OTUD7A: variants seen among roughly 807,000 people sequenced by gnomAD.
OTUD7A encodes OTU deubiquitinase 7A.
OTUD7A carries 12 observed loss-of-function variants against 65.7 expected under a neutral mutation model. The ratio of observed to expected loss-of-function variants is 0.18; its 90% CI spans 0.12 to 0.30. OTUD7A has a LOEUF of 0.30. OTUD7A is among the 10% of genes least tolerant of loss of function. OTUD7A has a pLI of 1.00. For missense variants in OTUD7A, 1,148 were observed against 1,304.8 expected, an observed-to-expected ratio of 0.88 and a Z score of 1.85; for synonymous variants, 641 against 586.3, an observed-to-expected ratio of 1.09 and a Z score of -1.35.
intron 1 of OTUD7A, among the ~76,000 whole-genome samples, chr15:31,726,288 AC>A (rs1893881564): frequency 6.6e-6 from 1 of 151,666 alleles, no homozygotes; most frequent in Admixed American, 6.6e-5. Context: ...ATGACTCTGG[AC>A]TCTTGAAACT....
chr15:31,569,053 A>G (rs368584604), intron 4 of OTUD7A, among the ~76,000 whole-genome samples: 14 of 152,212 alleles, frequency 9.2e-5, no homozygotes, highest in East Asian at 3.8e-4. Flanking sequence ...CATACATTGT[A>G]ATTTCCAGTG....
intron 3 of OTUD7A, among the ~76,000 whole-genome samples, chr15:31,629,621 G>A (rs867993729): frequency 6.1e-4 from 92 of 151,756 alleles, no homozygotes; most frequent in African/African-American, 1.9e-3. Context: ...ATGAGTTAGG[G>A]AGGATTCCCT....
intron 1 of OTUD7A, among the ~76,000 whole-genome samples, chr15:31,799,217 G>A (rs1161070290): frequency 6.6e-6 from 1 of 152,210 alleles, no homozygotes; most frequent in African/African-American, 2.4e-5. Flanking sequence ...GTGCGGGCCT[G>A]CAGGCCATGG....
intron 1 of OTUD7A, among the ~76,000 whole-genome samples, chr15:31,825,044 GA>G (rs1219463736): frequency 6.6e-6 from 1 of 152,214 alleles, no homozygotes; most frequent in Non-Finnish European, 1.5e-5. Flanking sequence ...GTATCTTTCA[GA>G]AAGTGTTGCT....
At chr15:31,703,803 C>T (rs1002101302) in intron 1 of OTUD7A, among the ~76,000 whole-genome samples, 4 of 150,870 alleles carry the variant, frequency 2.7e-5, no homozygotes, top group Admixed American at 2.0e-4. Flanking sequence ...AGCCTGGAAC[C>T]AGAAATGATC....
chr15:31,519,450 T>C (rs1303119496), intron 8 of OTUD7A, among the ~76,000 whole-genome samples: 1 of 152,220 alleles, frequency 6.6e-6, no homozygotes, highest in Non-Finnish European at 1.5e-5. Flanking sequence ...CAATTCAGCA[T>C]CACTTCATGA....
chr15:31,672,385 T>C (rs1006822089), intron 1 of OTUD7A, among the ~76,000 whole-genome samples: 5 of 152,362 alleles, frequency 3.3e-5, no homozygotes, highest in African/African-American at 7.2e-5. Flanking sequence ...AACTTGGTTT[T>C]CAAATTTATT....
chr15:31,777,926 A>C lies in OTUD7A; in HGVS notation c.-100+92581T>G, dbSNP rs114741063. On this transcript the variant is annotated intron_variant, in intron 1 of 12. Coordinates refer to ENST00000307050, the MANE Select transcript of OTUD7A (RefSeq NM_001382637.1). The stretch of plus-strand genomic sequence containing the variant: ...GCAGTGGCAGAGGGCAGTGAGGGAG[A>C]GGATGAGCACAGCGGGTGACACAGG... Among the ~76,000 whole-genome samples, 220 of 152,230 alleles carry C rather than the reference A, an allele frequency of 1.4e-3. 1 individual carries two copies. The highest frequency in any genetic ancestry group is 5.1e-3 in the African/African-American group (210 of 41,530).
intron 1 of OTUD7A, among the ~76,000 whole-genome samples, chr15:31,779,329 C>T (rs976835137): frequency 2.6e-5 from 4 of 152,172 alleles, no homozygotes; most frequent in African/African-American, 9.7e-5. Context: ...CTGAAAAGTA[C>T]GCTTCACTGA....
At position 31,607,854 on chromosome 15, in the gene OTUD7A, C is replaced by A. The variant is rs949640332; in HGVS notation, c.152-37657G>T. 4.6e-5 allele frequency among the ~76,000 whole-genome samples: 7 copies of A among 152,162 alleles called. No individual in the cohort carries two copies. In the East Asian group the frequency reaches 1.3e-3, roughly 29 times the overall value. Reference sequence around the variant, plus strand: ...GTAAATGAACTCTGTGATGTTTGCACAATGGGGAAGTTGCCTAACAATGCA... The same window carrying A: ...GTAAATGAACTCTGTGATGTTTGCAAAATGGGGAAGTTGCCTAACAATGCA... On this transcript the variant is annotated intron_variant, in intron 3 of 12. Coordinates refer to ENST00000307050, the MANE Select transcript of OTUD7A (RefSeq NM_001382637.1).
intron 1 of OTUD7A, chr15:31,767,410 C>T (rs1595755538): frequency 1.3e-6 from 1 of 775,148 alleles, no homozygotes; most frequent in East Asian, 2.4e-5. Context: ...CATTCAAATC[C>T]AACATAAGTT....
intron 3 of OTUD7A, among the ~76,000 whole-genome samples, chr15:31,647,841 C>T (rs1230581617): frequency 2.0e-5 from 3 of 151,724 alleles, no homozygotes; most frequent in Non-Finnish European, 2.9e-5. Flanking sequence ...CATGATCCAT[C>T]GTGGAGGGAG....
chr15:31,661,002 G>C (rs1287546704), intron 1 of OTUD7A, among the ~76,000 whole-genome samples: 2 of 152,210 alleles, frequency 1.3e-5, no homozygotes, highest in Non-Finnish European at 2.9e-5. Context: ...ACACCCAATG[G>C]GCCCAATGGG....
At chr15:31,605,000 C>T (rs1403387271) in intron 3 of OTUD7A, among the ~76,000 whole-genome samples, 1 of 152,224 alleles carries the variant, frequency 6.6e-6, no homozygotes, top group Non-Finnish European at 1.5e-5. Context: ...CAGGGCGGAA[C>T]AAAGGCTCTG....
intron 1 of OTUD7A, among the ~76,000 whole-genome samples, chr15:31,823,079 C>T (rs1239090638): frequency 1.3e-5 from 2 of 152,184 alleles, no homozygotes; most frequent in Non-Finnish European, 2.9e-5. Context: ...ACTTTGTCAG[C>T]CTCTCTGCAG....
intron 4 of OTUD7A, among the ~76,000 whole-genome samples, chr15:31,565,455 G>C (rs1888836299): frequency 6.6e-6 from 1 of 152,116 alleles, no homozygotes; most frequent in African/African-American, 2.4e-5. Flanking sequence ...AACAGAATCT[G>C]AATATGTGGA....
At chr15:31,656,641 C>T (rs200273774) in intron 2 of OTUD7A, among the ~76,000 whole-genome samples, 18 of 100,068 alleles carry the variant, frequency 1.8e-4, no homozygotes, top group Non-Finnish European at 4.0e-4. Flanking sequence ...TGACTGTCCT[C>T]TGTTCTTTCT....
chr15:31,714,600 G>A (rs1008440003), intron 1 of OTUD7A, among the ~76,000 whole-genome samples: 4 of 152,146 alleles, frequency 2.6e-5, no homozygotes, highest in Admixed American at 1.3e-4. Flanking sequence ...AAAACAATGA[G>A]CCGCAAAAAT....
chr15:31,855,671 G>C (rs991037879), intron 1 of OTUD7A, among the ~76,000 whole-genome samples: 9 of 152,170 alleles, frequency 5.9e-5, no homozygotes. Context: ...AATGTAAAAA[G>C]TTATAGGGTG....
Sources: allele counts gnomAD v4.1 joint callset (sites outside exome capture counted in the v4.1 genomes callset), GRCh38; gene constraint gnomAD v4.1.1; transcripts MANE v1.5; gene names NCBI Gene and HGNC (gene_info 2026-07-23, HGNC 2026-07-21).